The following COL4A4 variants were observed in gnomAD, a reference collection of about 807,000 sequenced individuals.
COL4A4 encodes the protein collagen alpha-4(IV) chain.
Under a neutral mutation model 192.9 loss-of-function variants are expected in COL4A4, and 105 were observed. That is an observed-to-expected ratio of 0.54 (90% CI 0.46 to 0.64). The LOEUF is 0.64. Among genes scored for constraint, COL4A4 ranks in the 30% least tolerant of loss-of-function variants. The pLI, the probability that COL4A4 is intolerant of heterozygous loss-of-function variation, is 0.00. For missense variants in COL4A4, 1,967 were observed against 2,169.3 expected (o/e 0.91, Z 1.85); for synonymous variants, 762 against 769.9 (o/e 0.99, Z 0.17).
chr2:227,050,136 C>A lies in COL4A4; in HGVS notation c.3151-5G>T. The A allele has an allele frequency of 1.2e-6, 2 of 1,613,718 alleles. No homozygotes were observed. Among genetic ancestry groups the A allele is most frequent in the Non-Finnish European group, 1.7e-6 (2 of 1,179,614 alleles). On this transcript the variant is annotated splice_polypyrimidine_tract_variant and splice_region_variant and intron_variant, in intron 33 of 47. Transcript: ENST00000396625. ...ACCTGGAGAACCTGGCTCACCCTGA[C>A]AGTTTAATGAAACAAAAGGCCTTAA...
chr2:227,007,930 G>A (rs547384658), intron 47 of COL4A4, 88 bp downstream of exon 47: 28 of 1,524,618 alleles, frequency 1.8e-5, no homozygotes, highest in Non-Finnish European at 2.2e-5. Flanking sequence ...AGAGTGCTCA[G>A]AATTACTGTC....
chr2:227,073,416 G>T (rs1028718530), intron 25 of COL4A4, among the ~76,000 whole-genome samples: 2 of 151,884 alleles, frequency 1.3e-5, no homozygotes, highest in Non-Finnish European at 2.9e-5. Context: ...AAATGGAAAT[G>T]CATCCAGTGT....
In COL4A4 at chr2:227,007,621, GACAC is replaced by G. The variant is rs749323808; in HGVS notation, c.4810-37_4810-34del. 10 of 1,611,832 alleles carry G rather than the reference GACAC, an allele frequency of 6.2e-6. No individual in the cohort carries two copies. The South Asian group carries it at 1.1e-4, about 18-fold the overall frequency. On this transcript the variant is annotated intron_variant, in intron 47 of 47. Transcript: ENST00000396625. ...GAAAACAAGAGAGAATTAGGGCTCA[GACAC>G]ACACAGACAACCCCAGACCCAATCA...
the COL4A4 span, among the ~76,000 whole-genome samples, chr2:226,993,635 G>C: frequency 6.6e-6 from 1 of 152,162 alleles, no homozygotes; most frequent in East Asian, 1.9e-4. Flanking sequence ...AGTCAGGAAG[G>C]GTACCAGGGG....
the COL4A4 span, among the ~76,000 whole-genome samples, chr2:226,991,442 A>C: frequency 6.6e-6 from 1 of 152,192 alleles, no homozygotes; most frequent in Non-Finnish European, 1.5e-5. Context: ...AGCCTCCCAA[A>C]GTGCTGGGAT....
At chr2:227,037,261 G>A (rs1048754409) in intron 37 of COL4A4, among the ~76,000 whole-genome samples, 3 of 152,086 alleles carry the variant, frequency 2.0e-5, no homozygotes, top group Non-Finnish European at 2.9e-5. Flanking sequence ...ACAGGCCCCA[G>A]TGTGTGATAT....
chr2:226,972,340 G>T, the COL4A4 span, among the ~76,000 whole-genome samples: 34 of 152,120 alleles, frequency 2.2e-4, no homozygotes, highest in Non-Finnish European at 4.3e-4. Context: ...GATGGAAAAA[G>T]CCCACTTCTT....
chr2:227,154,513 C>T (rs1178533407), intron 1 of COL4A4, among the ~76,000 whole-genome samples: 1 of 152,160 alleles, frequency 6.6e-6, no homozygotes. Flanking sequence ...TCCAAAGTAA[C>T]ATTAAATCTT....
At chr2:227,134,498 AC>A (rs778998085) in intron 4 of COL4A4, among the ~76,000 whole-genome samples, 1 of 152,218 alleles carries the variant, frequency 6.6e-6, no homozygotes, top group Non-Finnish European at 1.5e-5. Context: ...ATTGTTCTGA[AC>A]CATGTATCAG....
At chr2:227,042,058 G>C in intron 37 of COL4A4, 90 bp downstream of exon 37, 1 of 823,814 alleles carries the variant, frequency 1.2e-6, no homozygotes, top group Non-Finnish European at 2.2e-6. Flanking sequence ...ACCAAGAGCA[G>C]GGTCACTCAC....
intron 22 of COL4A4, among the ~76,000 whole-genome samples, chr2:227,083,545 C>G (rs111367856): frequency 0.036 from 5,428 of 152,242 alleles, 332 homozygotes; most frequent in African/African-American, 0.12. Context: ...CCTCTGGGCT[C>G]AAGCAATCCT....
At chr2:227,137,644 G>A (rs2062908824) in intron 4 of COL4A4, among the ~76,000 whole-genome samples, 1 of 152,176 alleles carries the variant, frequency 6.6e-6, no homozygotes, top group African/African-American at 2.4e-5. Flanking sequence ...GTCTCTACTT[G>A]CTGGAAACCA....
chr2:227,032,923 A>G (rs919173224), intron 38 of COL4A4, among the ~76,000 whole-genome samples: 2 of 152,218 alleles, frequency 1.3e-5, no homozygotes, highest in African/African-American at 4.8e-5. Context: ...TAACAGAACA[A>G]GATACACTTG....
intron 2 of COL4A4, chr2:227,147,200 C>G (rs1442302568): frequency 1.0e-5 from 7 of 681,698 alleles, no homozygotes; most frequent in Non-Finnish European, 1.9e-5. Flanking sequence ...GTGCAACTTC[C>G]CATTTGGTGA....
chr2:227,130,608 CTT>C (rs909876372), intron 4 of COL4A4, among the ~76,000 whole-genome samples: 4 of 152,194 alleles, frequency 2.6e-5, no homozygotes, highest in African/African-American at 9.6e-5. Context: ...CTTCTTGTCA[CTT>C]TCTCTCCAGC....
At chr2:226,995,359 C>T in the COL4A4 span, 1 of 921,330 alleles carries the variant, frequency 1.1e-6, no homozygotes, top group Non-Finnish European at 1.8e-6. Flanking sequence ...ACTTTGTTCC[C>T]TTGGAATCCT....
rs1023520313 is a variant in COL4A4, at chr2:227,003,270, G to A, written c.*4055C>T. On this transcript the variant is annotated 3_prime_UTR_variant, in exon 48 of 48. Transcript: ENST00000396625. ...TATTAGTTTATTTTAAATACAAAAT[G>A]TGACCATAGTAAGTGTATGATGATG... 1 of 152,166 alleles carries A rather than the reference G, an allele frequency of 6.6e-6. No individual in the cohort carries two copies. The highest frequency in any genetic ancestry group is 1.5e-5 in the Non-Finnish European group (1 of 68,030). The allele number at this position is 152,166 out of a possible 1,614,324, so 9.4% of individuals were successfully genotyped here.
intron 29 of COL4A4, 46 bp from the exon 30 acceptor site, chr2:227,056,161 G>A (rs1214948078): frequency 6.6e-7 from 1 of 1,521,304 alleles, no homozygotes; most frequent in South Asian, 1.1e-5. Flanking sequence ...CTGAACACTG[G>A]CTTCACACAC....
chr2:226,992,553 G>A, the COL4A4 span, among the ~76,000 whole-genome samples: 219 of 152,292 alleles, frequency 1.4e-3, 2 homozygotes, highest in Non-Finnish European at 1.9e-3. Flanking sequence ...CTAGAAAGCC[G>A]AACCATGCTA....
Sources: gnomAD v4.1 joint callset for allele counts (sites outside exome capture counted in the v4.1 genomes callset) on GRCh38, gnomAD v4.1.1 for gene constraint, MANE v1.5 for transcripts, NCBI Gene and HGNC (gene_info 2026-07-23, HGNC 2026-07-21) for gene names.